Variants in SENP6 observed in about 807,000 individuals in gnomAD.
SENP6 encodes the protein SUMO specific peptidase 6, also known as sentrin-specific protease 6.
In SENP6, 41 loss-of-function variants were observed where a neutral mutation model predicts 134.5. The observed-to-expected ratio is 0.30, with a 90% CI of 0.24 to 0.40. The LOEUF (loss-of-function observed/expected upper bound fraction) is 0.40. Among genes scored for constraint, SENP6 ranks in the 10% least tolerant of loss-of-function variants. The pLI is 1.00. For missense variants in SENP6, 1,248 were observed against 1,312.5 expected (o/e 0.95, Z 0.76); for synonymous variants, 395 against 429.8 (o/e 0.92, Z 1.00).
At chr6:75,667,224 A>G (rs1377655237) in intron 10 of SENP6, among the ~76,000 whole-genome samples, 1 of 152,184 alleles carries the variant, frequency 6.6e-6, no homozygotes, top group Non-Finnish European at 1.5e-5. Context: ...AATCTAGCAG[A>G]GGAGAGAAGT....
intron 11 of SENP6, among the ~76,000 whole-genome samples, chr6:75,673,575 T>G (rs982815471): frequency 6.7e-6 from 1 of 150,368 alleles, no homozygotes; most frequent in Non-Finnish European, 1.5e-5. Context: ...CCACCTGCCT[T>G]GGCCTCCCAA....
chr6:75,709,673 A>G, intron 20 of SENP6, 43 bp downstream of exon 20: 8 of 1,461,718 alleles, frequency 5.5e-6, no homozygotes, highest in Non-Finnish European at 7.7e-6. Flanking sequence ...GTTTTATCTA[A>G]TTAAAAGTTT....
chr6:75,604,351 G>A (rs1766862880), intron 1 of SENP6, among the ~76,000 whole-genome samples: 2 of 152,178 alleles, frequency 1.3e-5, no homozygotes, highest in Non-Finnish European at 2.9e-5. Flanking sequence ...AGGGTTCTGG[G>A]CACGGTGGCG....
At position 75,622,731 on chromosome 6, in the gene SENP6, A is replaced by G. The variant is rs1243535034; in HGVS notation, c.146+1106A>G. 3.3e-6 allele frequency: 4 copies of G among 1,197,590 alleles called. No individual in the cohort carries two copies. In the East Asian group the frequency reaches 2.3e-4, roughly 68 times the overall value. 74.2% of individuals were successfully genotyped at this position (1,197,590 alleles called of 1,614,324 possible). Reference sequence around the variant, plus strand: ...TTTTATACAAGAAGTCATTCAGAATATATTGGCTAAATATTGTAGGTGCTT... The same window carrying G: ...TTTTATACAAGAAGTCATTCAGAATGTATTGGCTAAATATTGTAGGTGCTT... On this transcript the variant is annotated intron_variant, in intron 2 of 23. Coordinates refer to ENST00000447266, the MANE Select transcript of SENP6 (RefSeq NM_015571.4).
At chr6:75,630,454 CA>C (rs757239249) in intron 3 of SENP6, among the ~76,000 whole-genome samples, 1 of 152,196 alleles carries the variant, frequency 6.6e-6, no homozygotes, top group Non-Finnish European at 1.5e-5. Context: ...GGGCATGGAT[CA>C]GGGGCTATGA....
At position 75,697,537 on chromosome 6, in the gene SENP6, A is replaced by G; in HGVS notation, c.2288+20A>G. ...TGAAGCGTGAGTAAGAATTTCCTTTAAAGGAAAATCTTTAAATCATGTAAA... is the reference window on the plus strand; with the variant it reads ...TGAAGCGTGAGTAAGAATTTCCTTTGAAGGAAAATCTTTAAATCATGTAAA... On this transcript the variant is annotated intron_variant, in intron 18 of 23. Transcript: ENST00000447266. 2 of 1,550,040 alleles carry G rather than the reference A, an allele frequency of 1.3e-6. No homozygotes were observed. Among genetic ancestry groups the G allele is most frequent in the Non-Finnish European group, 1.8e-6 (2 of 1,125,966 alleles).
At chr6:75,616,910 C>T (rs1417997662) in intron 1 of SENP6, among the ~76,000 whole-genome samples, 1 of 152,120 alleles carries the variant, frequency 6.6e-6, no homozygotes, top group Non-Finnish European at 1.5e-5. Flanking sequence ...GTCACCCAGG[C>T]TGGATTGCTG....
chr6:75,608,318 G>A (rs1316539761), intron 1 of SENP6, among the ~76,000 whole-genome samples: 1 of 152,006 alleles, frequency 6.6e-6, no homozygotes, highest in African/African-American at 2.4e-5. Flanking sequence ...AAAATTAACC[G>A]GATGTCACAG....
At chr6:75,696,931 T>A (rs1019929557) in intron 17 of SENP6, among the ~76,000 whole-genome samples, 2 of 152,288 alleles carry the variant, frequency 1.3e-5, no homozygotes, top group East Asian at 3.9e-4. Flanking sequence ...TAATAAATAA[T>A]TAATAATAAT....
intron 19 of SENP6, among the ~76,000 whole-genome samples, chr6:75,703,768 A>G (rs1350602759): frequency 6.6e-6 from 1 of 152,158 alleles, no homozygotes; most frequent in Non-Finnish European, 1.5e-5. Context: ...TCTCAAAATT[A>G]AAAAACAAAA....
intron 13 of SENP6, 42 bp from the exon 14 acceptor site, chr6:75,676,988 T>A (rs761357838): frequency 2.3e-5 from 21 of 907,508 alleles, no homozygotes; most frequent in African/African-American, 9.5e-5. Flanking sequence ...TCTATTTACT[T>A]CTTTTGTGTT....
At position 75,716,679 on chromosome 6, in the gene SENP6, C is replaced by T. The variant is rs1327252509; in HGVS notation, c.*1085C>T. 1 of 151,906 alleles carries T rather than the reference C, an allele frequency of 6.6e-6. No homozygotes were observed. Among genetic ancestry groups the T allele is most frequent in the Non-Finnish European group, 1.5e-5 (1 of 67,820 alleles). 9.4% of individuals were successfully genotyped at this position (151,906 alleles called of 1,614,324 possible). A position where few individuals can be genotyped will look rare whatever the true frequency, so the allele number is the denominator to read the frequency against. On this transcript the variant is annotated 3_prime_UTR_variant, in exon 24 of 24. Coordinates refer to ENST00000447266, the MANE Select transcript of SENP6 (RefSeq NM_015571.4). ...ACAGATTTATAGCACATATAGGGAT[C>T]TTGCATGTATCTGCAGAAACTTCAT...
intron 11 of SENP6, among the ~76,000 whole-genome samples, chr6:75,675,119 C>T (rs915524933): frequency 1.3e-5 from 2 of 151,818 alleles, no homozygotes; most frequent in East Asian, 1.9e-4. Context: ...GAAAGTCAGA[C>T]CCCCATGACA....
intron 16 of SENP6, among the ~76,000 whole-genome samples, chr6:75,682,222 A>G (rs1773514598): frequency 6.6e-6 from 1 of 152,132 alleles, no homozygotes; most frequent in Admixed American, 6.5e-5. Flanking sequence ...GAACTATAAA[A>G]TGTGTGAAGC....
intron 1 of SENP6, among the ~76,000 whole-genome samples, chr6:75,608,557 A>G (rs1156740184): frequency 6.6e-6 from 1 of 152,114 alleles, no homozygotes; most frequent in African/African-American, 2.4e-5. Context: ...GGAAGAAAGA[A>G]AGGAAGGAGA....
intron 9 of SENP6, among the ~76,000 whole-genome samples, chr6:75,664,700 G>C (rs1203041151): frequency 1.3e-5 from 2 of 152,110 alleles, no homozygotes; most frequent in African/African-American, 4.8e-5. Context: ...AAAAAGACAG[G>C]TAGAGAAATA....
chr6:75,652,602 C>T (rs774192731), intron 7 of SENP6, among the ~76,000 whole-genome samples: 2 of 142,384 alleles, frequency 1.4e-5, no homozygotes. Flanking sequence ...TTTGGGAGGC[C>T]GAGGCAGGTG....
chr6:75,647,748 A>T lies in SENP6; in HGVS notation c.497A>T (p.His166Leu). Residue 166 changes from histidine (H) to leucine (L), a missense_variant, in exon 7 of 24, where the codon CAT (histidine) becomes CTT (leucine). Coordinates refer to ENST00000447266, the MANE Select transcript of SENP6 (RefSeq NM_015571.4). ...TTTTTTAGGAAAGAATACCCACCTC[A>T]TGTCCAAAAAGTTGAAATTAATCCT... ...DRKERKEYPPHVQKVEINPVR... is the reference protein window; with the variant it reads ...DRKERKEYPPLVQKVEINPVR... 1 of 1,611,594 alleles carries T rather than the reference A, an allele frequency of 6.2e-7. No individual in the cohort carries two copies. Among genetic ancestry groups the T allele is most frequent in the Non-Finnish European group, 8.5e-7 (1 of 1,178,106 alleles).
chr6:75,708,876 A>G (rs1775581512), intron 19 of SENP6, among the ~76,000 whole-genome samples: 1 of 152,220 alleles, frequency 6.6e-6, no homozygotes. Context: ...CCTGGGCGAC[A>G]GAGCAAGACC....
Sources: allele counts gnomAD v4.1 joint callset (sites outside exome capture counted in the v4.1 genomes callset), GRCh38; gene constraint gnomAD v4.1.1; transcripts MANE v1.5; gene names NCBI Gene and HGNC (gene_info 2026-07-23, HGNC 2026-07-21).